ZMYM2: variants seen among roughly 807,000 people sequenced by gnomAD.
The protein encoded by ZMYM2 is zinc finger MYM-type containing 2.
ZMYM2 carries 56 observed loss-of-function variants against 162.8 expected under a neutral mutation model. The observed-to-expected ratio is 0.34, with a 90% CI of 0.28 to 0.43. The LOEUF (loss-of-function observed/expected upper bound fraction) is 0.43. ZMYM2 is among the 20% of genes least tolerant of loss of function. The pLI, the probability that ZMYM2 is intolerant of heterozygous loss-of-function variation, is 1.00. For synonymous variants in ZMYM2, 510 were observed against 541.6 expected (o/e 0.94, Z 0.81); for missense variants, 1,275 against 1,621.8 (o/e 0.79, Z 3.67).
the ZMYM2 span, among the ~76,000 whole-genome samples, chr13:19,895,473 A>T: frequency 6.6e-6 from 1 of 151,896 alleles, no homozygotes; most frequent in Non-Finnish European, 1.5e-5. Context: ...GGGGCATCTC[A>T]TGAGGGCCTT....
rs146650061 is a variant in ZMYM2 at position 20,045,241 on chromosome 13, C to G, written c.2293-6192C>G. On this transcript the variant is annotated intron_variant, in intron 12 of 24. Coordinates refer to ENST00000610343, the MANE Select transcript of ZMYM2 (RefSeq NM_197968.4). Reference sequence around the variant, plus strand: ...GAGTTCTGGGGCAGTTCTTTAATATCTGCAATTCACCATGTTAACTAGCAT... The same window carrying G: ...GAGTTCTGGGGCAGTTCTTTAATATGTGCAATTCACCATGTTAACTAGCAT... Among the ~76,000 whole-genome samples, 458 of 152,140 alleles carry G rather than the reference C, an allele frequency of 3.0e-3. 5 individuals are homozygous for G. The highest frequency in any genetic ancestry group is 0.011 in the African/African-American group (438 of 41,498).
At chr13:20,033,606 A>C (rs142266355) in intron 10 of ZMYM2, among the ~76,000 whole-genome samples, 2 of 152,260 alleles carry the variant, frequency 1.3e-5, no homozygotes, top group African/African-American at 4.8e-5. Context: ...AGCCTGCTCA[A>C]TAATGAGAGA....
At chr13:19,992,091 T>C (rs767175068) in intron 2 of ZMYM2, among the ~76,000 whole-genome samples, 1 of 152,198 alleles carries the variant, frequency 6.6e-6, no homozygotes, top group African/African-American at 2.4e-5. Context: ...CCTGATATCT[T>C]TGGTGACCTT....
intron 2 of ZMYM2, among the ~76,000 whole-genome samples, chr13:19,987,649 G>GTGTGTA (rs1555288042): frequency 1.3e-4 from 20 of 149,804 alleles, no homozygotes; most frequent in Middle Eastern, 3.4e-3. Flanking sequence ...GTGTGTGTGT[G>GTGTGTA]TGTGTGTGTA....
intron 9 of ZMYM2, among the ~76,000 whole-genome samples, chr13:20,027,699 T>G (rs1156459938): frequency 3.3e-5 from 5 of 152,182 alleles, no homozygotes; most frequent in Admixed American, 3.3e-4. Flanking sequence ...ACTTGCTTTC[T>G]TCATATGTTA....
chr13:19,981,006 T>C (rs543149650), intron 2 of ZMYM2, among the ~76,000 whole-genome samples: 1 of 152,230 alleles, frequency 6.6e-6, no homozygotes, highest in South Asian at 2.1e-4. Flanking sequence ...GCATGGTGGC[T>C]CATGCCTGTA....
chr13:19,989,328 G>C (rs549691200), intron 2 of ZMYM2, among the ~76,000 whole-genome samples: 127 of 152,272 alleles, frequency 8.3e-4, no homozygotes, highest in Middle Eastern at 3.4e-3. Context: ...TTTTGAGACA[G>C]AGTCTCACCC....
At chr13:19,885,862 A>AAT in the ZMYM2 span, among the ~76,000 whole-genome samples, 31 of 52,714 alleles carry the variant, frequency 5.9e-4, 2 homozygotes, top group South Asian at 5.8e-3. Context: ...AAAAAAAAAA[A>AAT]ATATATATAT....
chr13:19,880,895 TTTG>T, the ZMYM2 span, among the ~76,000 whole-genome samples: 15,984 of 151,544 alleles, frequency 0.11, 936 homozygotes, highest in Middle Eastern at 0.13. Context: ...TGTTTTGTTT[TTTG>T]TTTTTTTTTT....
intron 10 of ZMYM2, among the ~76,000 whole-genome samples, chr13:20,032,595 CTGTCTTTTTTTTTTT>C (rs1254112235): frequency 2.1e-5 from 2 of 96,380 alleles, no homozygotes; most frequent in Non-Finnish European, 4.4e-5. Context: ...GATTTTTTTT[CTGTCTTTTTTTTTTT>C]TTTTTTTTTT....
At chr13:19,899,261 C>T in the ZMYM2 span, among the ~76,000 whole-genome samples, 3 of 151,762 alleles carry the variant, frequency 2.0e-5, no homozygotes, top group Non-Finnish European at 2.9e-5. Flanking sequence ...CAAGACCCCA[C>T]TTCTGAAATA....
the ZMYM2 span, among the ~76,000 whole-genome samples, chr13:19,951,527 TAAAAAAAAAAAA>T: frequency 6.5e-5 from 5 of 76,406 alleles, no homozygotes; most frequent in African/African-American, 2.3e-4. Flanking sequence ...CCATCTCTAC[TAAAAAAAAAAAA>T]AAAAAAAAAA....
At chr13:20,046,982 A>G (rs951380782) in intron 12 of ZMYM2, among the ~76,000 whole-genome samples, 9 of 152,192 alleles carry the variant, frequency 5.9e-5, no homozygotes, top group African/African-American at 1.7e-4. Flanking sequence ...CCTTAAATAC[A>G]TTATATATTC....
intron 2 of ZMYM2, among the ~76,000 whole-genome samples, chr13:19,988,619 T>C (rs1949366153): frequency 1.3e-5 from 2 of 152,056 alleles, no homozygotes; most frequent in African/African-American, 4.8e-5. Context: ...CCGTCTCTAC[T>C]GAAAACACAA....
chr13:19,947,451 C>CTTTTTTTTTTTTTTTT, the ZMYM2 span, among the ~76,000 whole-genome samples: 1 of 130,054 alleles, frequency 7.7e-6, no homozygotes. Flanking sequence ...TCTTCTTCGT[C>CTTTTTTTTTTTTTTTT]TTTTTTTTTT....
intron 2 of ZMYM2, among the ~76,000 whole-genome samples, chr13:19,969,071 G>A (rs576848740): frequency 6.6e-6 from 1 of 152,256 alleles, no homozygotes; most frequent in South Asian, 2.1e-4. Flanking sequence ...GAAAATGAGA[G>A]TTCCTGCATA....
chr13:19,976,848 A>G (rs1179258912), intron 2 of ZMYM2, among the ~76,000 whole-genome samples: 2 of 152,154 alleles, frequency 1.3e-5, no homozygotes, highest in African/African-American at 2.4e-5. Context: ...TGGTCGTTCT[A>G]TCCATTTTTG....
At chr13:20,062,750 C>T in intron 17 of ZMYM2, 96 bp from the exon 18 acceptor site, 3 of 1,203,276 alleles carry the variant, frequency 2.5e-6, no homozygotes, top group Non-Finnish European at 3.3e-6. Flanking sequence ...TTTTATATTG[C>T]ATTTAAAATT....
At chr13:19,885,847 CAAAAAAAAAA>C in the ZMYM2 span, among the ~76,000 whole-genome samples, 15 of 23,142 alleles carry the variant, frequency 6.5e-4, no homozygotes, top group African/African-American at 1.3e-3. Flanking sequence ...AACTCTGTCT[CAAAAAAAAAA>C]AAAAAATATA....
Sources: gnomAD v4.1 joint callset for allele counts (sites outside exome capture counted in the v4.1 genomes callset) on GRCh38, gnomAD v4.1.1 for gene constraint, MANE v1.5 for transcripts, NCBI Gene and HGNC (gene_info 2026-07-23, HGNC 2026-07-21) for gene names.